The following CR2 variants were observed in gnomAD, a reference collection of about 807,000 sequenced individuals.
CR2 encodes the protein complement receptor type 2.
A neutral mutation model predicts 123.0 loss-of-function variants in CR2; 96 were observed. The observed-to-expected ratio is 0.78, with a 90% CI of 0.66 to 0.93. The LOEUF (loss-of-function observed/expected upper bound fraction) is 0.93. Among genes scored for constraint, CR2 ranks in the 40% least tolerant of loss-of-function variants. The pLI, the probability that CR2 is intolerant of heterozygous loss-of-function variation, is 0.00. For synonymous variants in CR2, 484 were observed against 469.5 expected, an observed-to-expected ratio of 1.03 and a Z score of -0.40; for missense variants, 1,258 against 1,361.0, an observed-to-expected ratio of 0.92 and a Z score of 1.19.
chr1:207,478,887 GA>G (rs143541032), intron 16 of CR2, among the ~76,000 whole-genome samples: 3 of 149,836 alleles, frequency 2.0e-5, no homozygotes, highest in African/African-American at 7.3e-5. Flanking sequence ...TACTTAGAGT[GA>G]AAAAAAAAGG....
intron 18 of CR2, 102 bp from the exon 19 acceptor site, chr1:207,485,362 A>C (rs978635804): frequency 4.8e-5 from 36 of 750,750 alleles, no homozygotes; most frequent in Non-Finnish European, 7.4e-5. Flanking sequence ...CATCCACAAA[A>C]GTACTTACCA....
chr1:207,473,819 G>A lies in CR2; in HGVS notation c.2174G>A (p.Arg725Lys). The change falls in exon 12 of 20, where the codon AGA (arginine) becomes AAA (lysine). Residue 725 changes from arginine to lysine, a missense_variant. Transcript: ENST00000367057. The stretch of plus-strand genomic sequence containing the variant: ...TCTCCAGAAACATGCCAGCATGTGA[G>A]ACAGAGTCTTCAAGAACTTCCAGCT... ...PRCEETCQHV[R>K]QSLQELPAGS... is the part of the protein sequence containing the mutation. 6.2e-7 allele frequency: 1 copy of A among 1,613,998 alleles called. No individual in the cohort carries two copies. The highest frequency in any genetic ancestry group is 1.3e-5 in the African/African-American group (1 of 75,034).
At chr1:207,487,401 C>G (rs1658779810) in intron 19 of CR2, among the ~76,000 whole-genome samples, 1 of 152,168 alleles carries the variant, frequency 6.6e-6, no homozygotes, top group South Asian at 2.1e-4. Flanking sequence ...ATTCTCATGC[C>G]TCAGTCTCCT....
intron 15 of CR2, among the ~76,000 whole-genome samples, chr1:207,476,856 T>C (rs1164270541): frequency 6.6e-6 from 1 of 152,270 alleles, no homozygotes; most frequent in African/African-American, 2.4e-5. Flanking sequence ...AAACAGTGCA[T>C]ATGAAATATG....
At chr1:207,462,633 A>ACCC (rs1657995431) in intron 1 of CR2, among the ~76,000 whole-genome samples, 1 of 152,184 alleles carries the variant, frequency 6.6e-6, no homozygotes, top group Admixed American at 6.5e-5. Context: ...AGAAAAGTAA[A>ACCC]TTATGTCATT....
rs1478260372 is a variant in CR2, at chr1:207,458,079, C to CACACACACACATACACACACACACAT, written c.58+3614_58+3615insTACACACACACACATACACACACACA. Among the ~76,000 whole-genome samples, 16 of 151,284 alleles carry CACACACACACATACACACACACACAT rather than the reference C, an allele frequency of 1.1e-4. No homozygotes were observed. The East Asian group carries it at 1.2e-3, about 11-fold the overall frequency. On this transcript the variant is annotated intron_variant, in intron 1 of 19. Transcript: ENST00000367057. ...GCCACAACACACACACACACACACA[C>CACACACACACATACACACACACACAT]ACACACACACACACACACACTCCTT... is the stretch of plus-strand genomic sequence containing the variant.
rs1658832063 is a variant in CR2, at chr1:207,489,519, T to C, written c.*396T>C. ...TTACTATCTGCTTTTGGTTATAATG[T>C]GTTTTTAATTATCTAAAGTATGAAG... On this transcript the variant is annotated 3_prime_UTR_variant, in exon 20 of 20. Transcript: ENST00000367057. 1 of 152,260 alleles carries C rather than the reference T, an allele frequency of 6.6e-6. No homozygotes were observed. The highest frequency in any genetic ancestry group is 1.5e-5 in the Non-Finnish European group (1 of 68,040). The allele number at this position is 152,260 out of a possible 1,614,324, so 9.4% of individuals were successfully genotyped here. A position where few individuals can be genotyped will look rare whatever the true frequency, so the allele number is the denominator to read the frequency against.
rs1426492324 is a variant in CR2, at chr1:207,476,337, C to G, written c.2820C>G (p.Asp940Glu). 3 of 1,613,878 alleles carry G rather than the reference C, an allele frequency of 1.9e-6. No homozygotes were observed. The African/African-American group carries it at 4.0e-5, about 22-fold the overall frequency. Residue 940 changes from aspartate to glutamate, a missense_variant, in exon 15 of 20, where the codon GAC becomes GAG. Asp to Glu is a conservative substitution (Grantham distance 45). Coordinates refer to ENST00000367057, the MANE Select transcript of CR2 (RefSeq NM_001006658.3). ...SPGMSILYSC[D>E]QGYLLVGEAL... Reference sequence around the variant, plus strand: ...GAATGTCAATCCTGTACAGCTGTGACCAAGGCTACCTGCTGGTGGGAGAGG... The same window carrying G: ...GAATGTCAATCCTGTACAGCTGTGAGCAAGGCTACCTGCTGGTGGGAGAGG...
intron 14 of CR2, among the ~76,000 whole-genome samples, chr1:207,475,893 C>T (rs1352465898): frequency 2.6e-5 from 4 of 152,202 alleles, no homozygotes; most frequent in African/African-American, 9.6e-5. Flanking sequence ...CTGGTGGCTT[C>T]ACTTCCTAGC....
intron 1 of CR2, among the ~76,000 whole-genome samples, chr1:207,455,383 C>G (rs1276408567): frequency 6.6e-6 from 1 of 152,210 alleles, no homozygotes; most frequent in Non-Finnish European, 1.5e-5. Context: ...GGCCTTCCAC[C>G]TCACTGAGCT....
At chr1:207,476,479 C>A in intron 15 of CR2, 60 bp downstream of exon 15, 1 of 1,463,326 alleles carries the variant, frequency 6.8e-7, no homozygotes, top group Non-Finnish European at 9.4e-7. Context: ...TAGATATATT[C>A]AGTTGGGTAC....
At chr1:207,480,411 T>C (rs1019847366) in intron 18 of CR2, among the ~76,000 whole-genome samples, 1 of 151,686 alleles carries the variant, frequency 6.6e-6, no homozygotes, top group Non-Finnish European at 1.5e-5. Flanking sequence ...TCTTCTGTCT[T>C]GATTTTTTTC....
At chr1:207,474,046 A>G (rs1658363925) in intron 12 of CR2, among the ~76,000 whole-genome samples, 161 bp downstream of exon 12, 1 of 152,180 alleles carries the variant, frequency 6.6e-6, no homozygotes, top group African/African-American at 2.4e-5. Context: ...CTGACTCTTC[A>G]GTCGTCTCTT....
chr1:207,454,789 G>A lies in CR2; in HGVS notation c.58+313G>A. 1 of 355,564 alleles carries A rather than the reference G, an allele frequency of 2.8e-6. No individual in the cohort carries two copies. Among genetic ancestry groups the A allele is most frequent in the South Asian group, 5.5e-5 (1 of 18,082 alleles). 22.0% of individuals were successfully genotyped at this position (355,564 alleles called of 1,614,324 possible). A position where few individuals can be genotyped will look rare whatever the true frequency, so the allele number is the denominator to read the frequency against. On this transcript the variant is annotated intron_variant, in intron 1 of 19. Transcript: ENST00000367057. This position sits in a 1 kb window ranked among gnomAD's most constrained non-coding sequence, Gnocchi z 4.3. ...CCGGGCTCCCCGCCCCCAGGATTCTGCAGGTGCTCATCGCTCTCTGGCCGG... is the reference window on the plus strand; with the variant it reads ...CCGGGCTCCCCGCCCCCAGGATTCTACAGGTGCTCATCGCTCTCTGGCCGG...
chr1:207,469,892 G>T lies in CR2; in HGVS notation c.1015G>T (p.Ala339Ser), dbSNP rs1481954538. The change falls in exon 6 of 20, where the codon GCC becomes TCC. Residue 339 changes from alanine (A) to serine (S), a missense_variant. Coordinates refer to ENST00000367057, the MANE Select transcript of CR2 (RefSeq NM_001006658.3). ...GAAGACTGGGACCTGGAGTGGCCCT[G>T]CCCCACGCTGTGAACTTTCTACTTC... ...SQKTGTWSGPAPRCELSTSAV... is the reference protein window; with the variant it reads ...SQKTGTWSGPSPRCELSTSAV... 1 of 1,613,962 alleles carries T rather than the reference G, an allele frequency of 6.2e-7. No homozygotes were observed. The highest frequency in any genetic ancestry group is 1.7e-5 in the Admixed American group (1 of 59,972).
At position 207,473,784 on chromosome 1, in the gene CR2, C is replaced by T; in HGVS notation, c.2156-17C>T. Reference sequence around the variant, plus strand: ...GAGACATCTATAAATACTGTAATTCCATCCTTGCTTCTCCAGAAACATGCC... The same window carrying T: ...GAGACATCTATAAATACTGTAATTCTATCCTTGCTTCTCCAGAAACATGCC... On this transcript the variant is annotated splice_polypyrimidine_tract_variant and intron_variant, in intron 11 of 19. Coordinates refer to ENST00000367057, the MANE Select transcript of CR2 (RefSeq NM_001006658.3). 6.2e-7 allele frequency: 1 copy of T among 1,613,816 alleles called. No homozygotes were observed. Among genetic ancestry groups the T allele is most frequent in the South Asian group, 1.1e-5 (1 of 91,082 alleles).
Position 207,473,237 on chromosome 1 carries a change from A to G in CR2, c.1978+58A>G, listed in dbSNP as rs1658339692. 1.9e-6 allele frequency: 3 copies of G among 1,590,078 alleles called. No individual in the cohort carries two copies. In the South Asian group the frequency reaches 3.3e-5, roughly 18 times the overall value. On this transcript the variant is annotated intron_variant, in intron 10 of 19. Transcript: ENST00000367057. ...ATTTACTTAATTATTCTTGTTTATT[A>G]TCTCCCACCCAAAACTGCATCATGG...
rs776543969 is a variant in CR2, at chr1:207,468,574, C to G, written c.493C>G (p.His165Asp). 1.1e-5 allele frequency: 18 copies of G among 1,613,890 alleles called. No individual in the cohort carries two copies. The East Asian group carries it at 3.8e-4, about 34-fold the overall frequency. Residue 165 changes from histidine (H) to aspartate (D), a missense_variant, in exon 3 of 20, where the codon CAC becomes GAC. Physicochemically the swap from His to Asp is moderately conservative, Grantham distance 81. Transcript: ENST00000367057. ...ACTTCCTATGATCCACAATGGACAT[C>G]ACACAAGTGAGAATGTTGGCTCCAT... is the stretch of plus-strand genomic sequence containing the variant. Reference protein sequence around the residue: ...PALPMIHNGHHTSENVGSIAP... With the variant: ...PALPMIHNGHDTSENVGSIAP...
intron 19 of CR2, among the ~76,000 whole-genome samples, chr1:207,485,903 A>G (rs973225845): frequency 6.6e-6 from 1 of 152,146 alleles, no homozygotes; most frequent in Admixed American, 6.5e-5. Flanking sequence ...AGCTCTTACT[A>G]AGAGAATGTC....
Sources: allele counts gnomAD v4.1 joint callset (sites outside exome capture counted in the v4.1 genomes callset), GRCh38; gene constraint gnomAD v4.1.1; non-coding constraint Gnocchi (gnomAD v3.1); transcripts MANE v1.5; gene names NCBI Gene and HGNC (gene_info 2026-07-23, HGNC 2026-07-21).